Variants in PHF23 observed in about 807,000 individuals in gnomAD.
PHF23 encodes the protein PHD finger protein 23, also known as PDH-containing protein JUNE-1.
PHF23 carries 3 observed loss-of-function variants against 36.0 expected under a neutral mutation model. The observed-to-expected ratio is 0.08, with a 90% confidence interval of 0.04 to 0.22. The LOEUF (loss-of-function observed/expected upper bound fraction) is 0.22, where lower values mean the gene tolerates loss of function less well. Ranked by LOEUF, PHF23 falls within the 10% of genes least tolerant of loss-of-function variation. The probability of loss-of-function intolerance (pLI) is 1.00; values close to 1 mark genes in which losing one functional copy is unlikely to be tolerated. For missense variants in PHF23, 475 were observed against 513.6 expected (o/e 0.92, Z 0.73); for synonymous variants, 242 against 192.5 (o/e 1.26, Z -2.13).
chr17:7,239,549 T>G, upstream of PHF23: 11 of 263,740 alleles, frequency 4.2e-5, no homozygotes, highest in Non-Finnish European at 5.9e-5. Flanking sequence ...TCCTCTTCTC[T>G]CCCTCCTCCC....
rs1180772380 is a variant in PHF23 at position 7,236,180 on chromosome 17, C to T, written c.747G>A (p.Glu249=). 11 of 1,611,796 alleles carry T rather than the reference C, an allele frequency of 6.8e-6. No homozygotes were observed. Among genetic ancestry groups the T allele is most frequent in the Non-Finnish European group, 7.6e-6 (9 of 1,178,842 alleles). ...QAPPSDTDSE[E]EEEEEEEEEE... Reference sequence around the variant, plus strand: ...CTTCCTCTTCCTCCTCTTCCTCCTCCTCTTCAGAGTCTGTATCACTGGGGG... The same window carrying T: ...CTTCCTCTTCCTCCTCTTCCTCCTCTTCTTCAGAGTCTGTATCACTGGGGG... The change falls in exon 4 of 5, where the codon GAG becomes GAA. Residue 249 remains glutamate (E), a synonymous_variant. Transcript: ENST00000320316. This position sits in a 1 kb window ranked among gnomAD's most constrained non-coding sequence, Gnocchi z 5.1.
At chr17:7,238,721 G>C (rs1427848167) in intron 1 of PHF23, 2 of 1,258,844 alleles carry the variant, frequency 1.6e-6, no homozygotes, top group East Asian at 5.6e-5. Flanking sequence ...ACTACCCCCC[G>C]GTACAGGTCC....
At chr17:7,238,973 TGGCCCTTTCG>T in intron 1 of PHF23, 1 of 1,477,018 alleles carries the variant, frequency 6.8e-7, no homozygotes, top group Non-Finnish European at 9.0e-7. Flanking sequence ...AATCTGCCGG[TGGCCCTTTCG>T]GGCCCTAACC....
At position 7,235,648 on chromosome 17, in the gene PHF23, G is replaced by A. The variant is rs777977785; in HGVS notation, c.1190C>T (p.Pro397Leu). ...CCATCAGGGCTCTCCAGATTTGGGA[G>A]GCCCCCCTAACCGCCGGGCCTCTGG... is the stretch of plus-strand genomic sequence containing the variant. ...LRPEARRLGG[P>L]PKSGEP Residue 397 changes from proline (P) to leucine (L), a missense_variant, in exon 5 of 5, where the codon CCT becomes CTT. By Grantham distance (98) the Pro-to-Leu change is moderately conservative. Coordinates refer to ENST00000320316, the MANE Select transcript of PHF23 (RefSeq NM_024297.3). The A allele has an allele frequency of 2.0e-5, 32 of 1,613,694 alleles. No homozygotes were observed. The Admixed American group carries it at 2.2e-4, about 11-fold the overall frequency.
chr17:7,238,675 C>G (rs1486690313), intron 1 of PHF23: 4 of 971,290 alleles, frequency 4.1e-6, no homozygotes, highest in African/African-American at 2.5e-5. Flanking sequence ...CTACAACTAC[C>G]CAGCTCGCCT....
Position 7,236,028 on chromosome 17 carries a change from CTTT to C in PHF23, c.896_898del (p.Glu299_Ser300delinsGly). ...TGTTTCAGTGCTGCCCACCTCCTTG[CTTT>C]CACTGTCAGCAGGAGGGACTCCTTC... On this transcript the variant is annotated inframe_deletion, in exon 4 of 5. Coordinates refer to ENST00000320316, the MANE Select transcript of PHF23 (RefSeq NM_024297.3). This position sits in a 1 kb window ranked among gnomAD's most constrained non-coding sequence, Gnocchi z 5.1. 6.2e-7 allele frequency: 1 copy of C among 1,614,008 alleles called. No individual in the cohort carries two copies. Among genetic ancestry groups the C allele is most frequent in the Non-Finnish European group, 8.5e-7 (1 of 1,179,926 alleles).
chr17:7,238,766 C>CTG (rs1404672546), intron 1 of PHF23: 1 of 1,533,538 alleles, frequency 6.5e-7, no homozygotes, highest in Non-Finnish European at 8.7e-7. Flanking sequence ...CCCCTCTTCT[C>CTG]CCCACAACTA....
At chr17:7,237,522 A>G (rs1398580348) in intron 2 of PHF23, 45 bp from the exon 3 acceptor site, 1 of 1,607,472 alleles carries the variant, frequency 6.2e-7, no homozygotes, top group East Asian at 2.2e-5. Flanking sequence ...CACACAGTTT[A>G]AGAATGGCAT....
chr17:7,236,287 G>C lies in PHF23; in HGVS notation c.640C>G (p.Arg214Gly). 6.2e-7 allele frequency: 1 copy of C among 1,613,630 alleles called. No individual in the cohort carries two copies. Among genetic ancestry groups the C allele is most frequent in the Non-Finnish European group, 8.5e-7 (1 of 1,179,808 alleles). ...TTCCGCTTCTTGCTCTTCTTGATTC[G>C]AGATCTCTTTTCCCCATCCCCAGGA... ...PTPGDGEKRS[R>G]IKKSKKRKLK... Residue 214 changes from arginine to glycine, a missense_variant, in exon 4 of 5, where the codon CGA becomes GGA. By Grantham distance (125) the Arg-to-Gly change is moderately radical. Transcript: ENST00000320316. This position sits in a 1 kb window ranked among gnomAD's most constrained non-coding sequence, Gnocchi z 5.1.
At chr17:7,239,913 AT>A (rs1244759886), upstream of PHF23, 1 of 152,256 alleles carries the variant, frequency 6.6e-6, no homozygotes, top group Non-Finnish European at 1.5e-5. Flanking sequence ...GAGTTGAAGT[AT>A]TCCTGGCGAT....
At chr17:7,237,593 A>G (rs1218266324) in intron 2 of PHF23, 36 bp downstream of exon 2, 3 of 1,613,644 alleles carry the variant, frequency 1.9e-6, no homozygotes, top group Non-Finnish European at 2.5e-6. Context: ...GTTGTCAGGC[A>G]GGGCTACTAG....
rs370242997 is a variant in PHF23, at chr17:7,238,511, ACT to A, written c.34+733_34+734del. On this transcript the variant is annotated intron_variant, in intron 1 of 4. Coordinates refer to ENST00000320316, the MANE Select transcript of PHF23 (RefSeq NM_024297.3). ...TCTGGCCCCTTCCCCCCAACCAGCC[ACT>A]CTCTCTCTCTCTCCACAGCAGCCAC... 0.023 allele frequency: 11,171 copies of A among 485,864 alleles called. 1,146 individuals are homozygous for A. The African/African-American group carries it at 0.3, about 13-fold the overall frequency. 30.1% of individuals were successfully genotyped at this position (485,864 alleles called of 1,614,324 possible).
rs758074884 is a variant in PHF23 at position 7,236,237 on chromosome 17, A to T, written c.690T>A (p.Asp230Glu). 3.1e-6 allele frequency: 5 copies of T among 1,613,292 alleles called. No individual in the cohort carries two copies. The highest frequency in any genetic ancestry group is 4.2e-6 in the Non-Finnish European group (5 of 1,179,630). ...GGGGAGGCCCAGGAGGTGGGAGTCT[A>T]TCCCCCCGTTCTGCCTTTTTTAACT... ...KRKLKKAERG[D>E]RLPPPGPPQA... Residue 230 changes from aspartate (D) to glutamate (E), a missense_variant, in exon 4 of 5, where the codon GAT (aspartate) becomes GAA (glutamate). Physicochemically the swap from Asp to Glu is conservative, Grantham distance 45. Around this residue, in one of 5 missense-constraint regions of PHF23, gnomAD observed 350 missense variants for 319.8 expected, o/e 1.09. Transcript: ENST00000320316. The surrounding 1 kb of genome is among the most constrained non-coding windows in gnomAD (Gnocchi z 5.1).
rs377528798 is a variant in PHF23, at chr17:7,235,720, G to T, written c.1118C>A (p.Thr373Asn). ...GCAATAAAAGAAGTCGGGGACGTTG[G>T]TCTTCTTAATCTTAGCACAGGAGAG... ...IHLSCAKIKK[T>N]NVPDFFYCQK... The change falls in exon 5 of 5, where the codon ACC becomes AAC. Residue 373 changes from threonine to asparagine, a missense_variant. By Grantham distance (65) the Thr-to-Asn change is moderately conservative. Transcript: ENST00000320316. 13 of 1,614,026 alleles carry T rather than the reference G, an allele frequency of 8.1e-6. No homozygotes were observed. Among genetic ancestry groups the T allele is most frequent in the Middle Eastern group, 3.3e-4 (2 of 6,082 alleles).
In PHF23 at chr17:7,237,618, G is replaced by T; in HGVS notation, c.66+11C>A. On this transcript the variant is annotated intron_variant, in intron 2 of 4. Coordinates refer to ENST00000320316, the MANE Select transcript of PHF23 (RefSeq NM_024297.3). ...AGGGCTACTAGGCTGCAAAGGTAAGGCAAACCTCACCTGAGTCTCTGGCTT... is the reference window on the plus strand; with the variant it reads ...AGGGCTACTAGGCTGCAAAGGTAAGTCAAACCTCACCTGAGTCTCTGGCTT... 1 of 1,613,988 alleles carries T rather than the reference G, an allele frequency of 6.2e-7. No homozygotes were observed. The highest frequency in any genetic ancestry group is 8.5e-7 in the Non-Finnish European group (1 of 1,179,950).
chr17:7,239,608 G>A (rs115012444), upstream of PHF23: 649 of 207,646 alleles, frequency 3.1e-3, 9 homozygotes, highest in African/African-American at 0.013. Flanking sequence ...AGTCCGTCCG[G>A]GAACAGCGGA....
rs1303427921 is a variant in PHF23, at chr17:7,236,266, G to A, written c.661C>T (p.Arg221Trp). ...CCCCGTTCTGCCTTTTTTAACTTCC[G>A]CTTCTTGCTCTTCTTGATTCGAGAT... ...KRSRIKKSKKRKLKKAERGDR... is the reference protein window; with the variant it reads ...KRSRIKKSKKWKLKKAERGDR... The change falls in exon 4 of 5, where the codon CGG becomes TGG. Residue 221 changes from arginine to tryptophan, a missense_variant. Transcript: ENST00000320316. This position sits in a 1 kb window ranked among gnomAD's most constrained non-coding sequence, Gnocchi z 5.1. The A allele has an allele frequency of 6.8e-6, 11 of 1,613,320 alleles. No homozygotes were observed. The highest frequency in any genetic ancestry group is 3.3e-5 in the South Asian group (3 of 91,040).
chr17:7,239,115 C>T, intron 1 of PHF23, 131 bp downstream of exon 1: 2 of 1,041,758 alleles, frequency 1.9e-6, no homozygotes, highest in Non-Finnish European at 2.8e-6. Flanking sequence ...GCTCTCCCAC[C>T]TCCAGGGCCA....
Position 7,235,451 on chromosome 17 carries a change from GGGGA to G in PHF23, c.*171_*174del, listed in dbSNP as rs2071637370. The G allele has an allele frequency of 9.0e-6, 6 of 663,904 alleles. No homozygotes were observed. The East Asian group carries it at 1.3e-4, about 15-fold the overall frequency. The allele number at this position is 663,904 out of a possible 1,614,324, so 41.1% of individuals were successfully genotyped here. ...GGATTCAATTTCAAGTCCACAGAGTGGGGAGGAAGGATAGGGTGGGAAAGTGAGA... is the reference window on the plus strand; with the variant it reads ...GGATTCAATTTCAAGTCCACAGAGTGGGAAGGATAGGGTGGGAAAGTGAGA... On this transcript the variant is annotated 3_prime_UTR_variant, in exon 5 of 5. Transcript: ENST00000320316.
Sources: allele counts gnomAD v4.1 joint callset, GRCh38; gene constraint gnomAD v4.1.1; regional missense constraint gnomAD v4.1.1; non-coding constraint Gnocchi (gnomAD v3.1); transcripts MANE v1.5; gene names NCBI Gene and HGNC (gene_info 2026-07-23, HGNC 2026-07-21).